The following LMBR1L variants were observed in gnomAD, a reference collection of about 807,000 sequenced individuals.
LMBR1L encodes the protein limb development membrane protein 1 like, also known as protein LMBR1L.
LMBR1L carries 47 observed loss-of-function variants against 67.3 expected under a neutral mutation model. That is an observed-to-expected ratio of 0.70 (90% CI 0.55 to 0.89). The LOEUF (loss-of-function observed/expected upper bound fraction) is 0.89. LMBR1L is among the 40% of genes least tolerant of loss of function. LMBR1L has a pLI of 0.00. For synonymous variants in LMBR1L, 247 were observed against 250.3 expected (o/e 0.99, Z 0.13); for missense variants, 533 against 599.2 (o/e 0.89, Z 1.15).
intron 11 of LMBR1L, chr12:49,101,883 C>T (rs937849164): frequency 2.2e-4 from 128 of 588,976 alleles, no homozygotes; most frequent in Non-Finnish European, 4.8e-5. Context: ...ACCTGCACAA[C>T]TCCTCACTGG....
At chr12:49,108,487 G>A (rs983934517) in intron 1 of LMBR1L, among the ~76,000 whole-genome samples, 13 of 150,020 alleles carry the variant, frequency 8.7e-5, no homozygotes, top group African/African-American at 1.5e-4. Flanking sequence ...GCTTGAACCC[G>A]GGAGGCGGAG....
chr12:49,097,600 C>G lies in LMBR1L; in HGVS notation c.*72G>C. ...TTCCAGGTCCTGAGGTCCAAGTAGC[C>G]TTGGGCTTCCCTCCAGGCCTAGGCA... is the stretch of plus-strand genomic sequence containing the variant. On this transcript the variant is annotated 3_prime_UTR_variant, in exon 17 of 17. Transcript: ENST00000267102. The G allele has an allele frequency of 6.6e-7, 1 of 1,511,154 alleles. No individual in the cohort carries two copies. Among genetic ancestry groups the G allele is most frequent in the South Asian group, 1.1e-5 (1 of 87,370 alleles). 93.6% of individuals were successfully genotyped at this position (1,511,154 alleles called of 1,614,324 possible).
Position 49,101,942 on chromosome 12 carries a change from A to G in LMBR1L, c.930+178T>C, listed in dbSNP as rs1940245371. The G allele has an allele frequency of 6.6e-6, 4 of 607,100 alleles. No individual in the cohort carries two copies. In the African/African-American group the frequency reaches 7.4e-5, roughly 11 times the overall value. The allele number at this position is 607,100 out of a possible 1,614,324, so 37.6% of individuals were successfully genotyped here. A position where few individuals can be genotyped will look rare whatever the true frequency, so the allele number is the denominator to read the frequency against. On this transcript the variant is annotated intron_variant, in intron 11 of 16. Coordinates refer to ENST00000267102, the MANE Select transcript of LMBR1L (RefSeq NM_018113.4). ...TCAACTCTGTCTCTTCGTCTACAAAATGGGGATTGATGTGCTCAACATTTG... is the reference window on the plus strand; with the variant it reads ...TCAACTCTGTCTCTTCGTCTACAAAGTGGGGATTGATGTGCTCAACATTTG...
In LMBR1L at chr12:49,106,736, G is replaced by A. The variant is rs1403460820; in HGVS notation, c.157+225C>T. The A allele has an allele frequency of 3.4e-6, 3 of 891,714 alleles. No individual in the cohort carries two copies. The South Asian group carries it at 4.3e-5, about 13-fold the overall frequency. 55.2% of individuals were successfully genotyped at this position (891,714 alleles called of 1,614,324 possible). A position where few individuals can be genotyped will look rare whatever the true frequency, so the allele number is the denominator to read the frequency against. On this transcript the variant is annotated intron_variant, in intron 2 of 16. Transcript: ENST00000267102. The stretch of plus-strand genomic sequence containing the variant: ...AGGTAGACATTGTTACGCCCATTTT[G>A]TAGGATGAAACTGAGGATCAGAAAT...
At chr12:49,104,369 G>T in intron 5 of LMBR1L, 79 bp downstream of exon 5, 1 of 1,063,666 alleles carries the variant, frequency 9.4e-7, no homozygotes, top group Non-Finnish European at 1.4e-6. Flanking sequence ...TCTGCAAATA[G>T]CCTCTTTATT....
intron 1 of LMBR1L, among the ~76,000 whole-genome samples, chr12:49,109,521 A>G (rs910287607): frequency 1.3e-5 from 2 of 152,210 alleles, no homozygotes; most frequent in African/African-American, 4.8e-5. Context: ...CCTGAGAAAA[A>G]TGAAGGGAAT....
At chr12:49,103,042 C>T in intron 7 of LMBR1L, 49 bp downstream of exon 7, 1 of 1,609,422 alleles carries the variant, frequency 6.2e-7, no homozygotes, top group Non-Finnish European at 8.5e-7. Flanking sequence ...AGCCTGGTTA[C>T]TCTGGTCCAA....
At chr12:49,101,886 C>G in intron 11 of LMBR1L, 1 of 589,466 alleles carries the variant, frequency 1.7e-6, no homozygotes, top group East Asian at 2.8e-5. Context: ...TGCACAACTC[C>G]TCACTGGCCC....
Position 49,098,064 on chromosome 12 carries a change from T to TG in LMBR1L, c.1281dup (p.Asn428GlnfsTer57). 6.2e-7 allele frequency: 1 copy of TG among 1,614,114 alleles called. No individual in the cohort carries two copies. The highest frequency in any genetic ancestry group is 8.5e-7 in the Non-Finnish European group (1 of 1,180,006). The stretch of plus-strand genomic sequence containing the variant: ...ACAATGTAGAAATTGCCCAGCCAGT[T>TG]GAAGCGTCCAAAGTCACCCAGCAGG... On this transcript the variant is annotated frameshift_variant, in exon 16 of 17. Coordinates refer to ENST00000267102, the MANE Select transcript of LMBR1L (RefSeq NM_018113.4). LOFTEE classifies it high-confidence loss of function.
chr12:49,103,860 T>G lies in LMBR1L; in HGVS notation c.436-47A>C, dbSNP rs2047101. Reference sequence around the variant, plus strand: ...GAAGAAGGTTAACATCAGGGCAGTGTGGGAACATTGGAGATGGCAGGCAGC... The same window carrying G: ...GAAGAAGGTTAACATCAGGGCAGTGGGGGAACATTGGAGATGGCAGGCAGC... On this transcript the variant is annotated intron_variant, in intron 5 of 16. Transcript: ENST00000267102. The G allele has an allele frequency of 5.1e-6, 8 of 1,558,386 alleles. No individual in the cohort carries two copies. The African/African-American group carries it at 1.1e-4, about 21-fold the overall frequency.
chr12:49,099,447 C>T (rs1168909861), intron 15 of LMBR1L, among the ~76,000 whole-genome samples: 2 of 151,990 alleles, frequency 1.3e-5, no homozygotes, highest in African/African-American at 2.4e-5. Context: ...CCAGGCCTGG[C>T]CCCAGAACTG....
chr12:49,105,917 C>T lies in LMBR1L; in HGVS notation c.191+7G>A, dbSNP rs1183318056. On this transcript the variant is annotated splice_region_variant and intron_variant, in intron 3 of 16. Coordinates refer to ENST00000267102, the MANE Select transcript of LMBR1L (RefSeq NM_018113.4). ...CTGATGTTAGGTGCTGAGGCAGGGA[C>T]ACTTACGCAATCTTGTTGACGGTGG... is the stretch of plus-strand genomic sequence containing the variant. 1.9e-6 allele frequency: 3 copies of T among 1,611,966 alleles called. No homozygotes were observed. The highest frequency in any genetic ancestry group is 2.5e-6 in the Non-Finnish European group (3 of 1,179,064).
At position 49,100,542 on chromosome 12, in the gene LMBR1L, T is replaced by C; in HGVS notation, c.1173+14A>G. The C allele has an allele frequency of 6.2e-7, 1 of 1,612,554 alleles. No homozygotes were observed. Among genetic ancestry groups the C allele is most frequent in the Non-Finnish European group, 8.5e-7 (1 of 1,178,710 alleles). Reference sequence around the variant, plus strand: ...CACACCCCCCGGGAGCTTCCCTTACTCCCTCCCAGCTACCTGCGTCATGGC... The same window carrying C: ...CACACCCCCCGGGAGCTTCCCTTACCCCCTCCCAGCTACCTGCGTCATGGC... On this transcript the variant is annotated intron_variant, in intron 14 of 16. Transcript: ENST00000267102.
intron 1 of LMBR1L, among the ~76,000 whole-genome samples, chr12:49,109,218 C>T (rs1941265427): frequency 6.6e-6 from 1 of 152,140 alleles, no homozygotes; most frequent in Non-Finnish European, 1.5e-5. Flanking sequence ...AGGGAGACAT[C>T]CAGGAGGCTG....
rs958909908 is a variant in LMBR1L, at chr12:49,097,823, G to A, written c.1403-84C>T. On this transcript the variant is annotated intron_variant, in intron 16 of 16. Coordinates refer to ENST00000267102, the MANE Select transcript of LMBR1L (RefSeq NM_018113.4). Reference sequence around the variant, plus strand: ...AGGCAGCCAAGCCACAGAATGTGTGGATGAGGTACGTTACCCACAAAGCAG... The same window carrying A: ...AGGCAGCCAAGCCACAGAATGTGTGAATGAGGTACGTTACCCACAAAGCAG... 1.9e-6 allele frequency: 3 copies of A among 1,599,828 alleles called. No individual in the cohort carries two copies. In the South Asian group the frequency reaches 3.3e-5, roughly 18 times the overall value.
chr12:49,109,949 T>C (rs902606960), intron 1 of LMBR1L: 8 of 437,476 alleles, frequency 1.8e-5, no homozygotes, highest in Admixed American at 5.2e-5. Flanking sequence ...TTGTTCCTCA[T>C]CTCTACATAT....
intron 1 of LMBR1L, chr12:49,110,169 A>T: frequency 1.8e-6 from 1 of 558,266 alleles, no homozygotes; most frequent in Non-Finnish European, 3.4e-6. Context: ...AGACTAAGGC[A>T]GACTCCGCAG....
Position 49,097,549 on chromosome 12 carries a change from T to C in LMBR1L, c.*123A>G. The C allele has an allele frequency of 2.1e-6, 2 of 951,802 alleles. No individual in the cohort carries two copies. The highest frequency in any genetic ancestry group is 3.3e-6 in the Non-Finnish European group (2 of 599,214). The allele number at this position is 951,802 out of a possible 1,614,324, so 59.0% of individuals were successfully genotyped here. On this transcript the variant is annotated 3_prime_UTR_variant, in exon 17 of 17. Coordinates refer to ENST00000267102, the MANE Select transcript of LMBR1L (RefSeq NM_018113.4). The stretch of plus-strand genomic sequence containing the variant: ...TATGCAATAGTGCAGATGGCTCTGC[T>C]CCCCTCTGCCACCCACCCTCTCAGA...
intron 3 of LMBR1L, 141 bp downstream of exon 3, chr12:49,105,783 G>T (rs1336500150): frequency 4.7e-6 from 3 of 639,492 alleles, no homozygotes; most frequent in Non-Finnish European, 7.9e-6. Context: ...GTGAGGTAAA[G>T]CCGGAAGCCA....
Sources: gnomAD v4.1 joint callset for allele counts (sites outside exome capture counted in the v4.1 genomes callset) on GRCh38, gnomAD v4.1.1 for gene constraint, MANE v1.5 for transcripts, NCBI Gene and HGNC (gene_info 2026-07-23, HGNC 2026-07-21) for gene names.